SCUBE3: variants seen among roughly 807,000 people sequenced by gnomAD.
The protein encoded by SCUBE3 is signal peptide, CUB and EGF-like domain-containing protein 3.
SCUBE3 carries 33 observed loss-of-function variants against 116.8 expected under a neutral mutation model. The observed-to-expected ratio is 0.28, with a 90% CI of 0.21 to 0.38. The LOEUF (loss-of-function observed/expected upper bound fraction) is 0.38, where lower values mean the gene tolerates loss of function less well. Ranked by LOEUF, SCUBE3 falls within the 10% of genes least tolerant of loss-of-function variation. SCUBE3 has a pLI of 1.00. For missense variants in SCUBE3, 1,007 were observed against 1,324.8 expected (o/e 0.76, Z 3.72); for synonymous variants, 418 against 496.9 (o/e 0.84, Z 2.11).
chr6:35,244,944 C>A lies in SCUBE3; in HGVS notation c.2401+133C>A. 1 of 874,450 alleles carries A rather than the reference C, an allele frequency of 1.1e-6. No individual in the cohort carries two copies. The highest frequency in any genetic ancestry group is 1.8e-6 in the Non-Finnish European group (1 of 557,410). The allele number at this position is 874,450 out of a possible 1,614,324, so 54.2% of individuals were successfully genotyped here. On this transcript the variant is annotated intron_variant, in intron 18 of 21. Coordinates refer to ENST00000274938, the MANE Select transcript of SCUBE3 (RefSeq NM_152753.4). The surrounding 1 kb of genome is among the most constrained non-coding windows in gnomAD (Gnocchi z 4.3). Reference sequence around the variant, plus strand: ...AGCAGGAAAACTCCACCTTCCACCTCTCCCCAACTCACTCAATCTCAAGGC... The same window carrying A: ...AGCAGGAAAACTCCACCTTCCACCTATCCCCAACTCACTCAATCTCAAGGC...
intron 1 of SCUBE3, chr6:35,223,539 A>G (rs1268999447): frequency 6.6e-6 from 1 of 152,162 alleles, no homozygotes; most frequent in African/African-American, 2.4e-5. Context: ...CCACAGCCTC[A>G]CCCTGGAGAT....
chr6:35,243,233 T>G lies in SCUBE3; in HGVS notation c.1906T>G (p.Cys636Gly). 1.2e-6 allele frequency: 2 copies of G among 1,613,190 alleles called. No individual in the cohort carries two copies. Among genetic ancestry groups the G allele is most frequent in the Non-Finnish European group, 1.7e-6 (2 of 1,179,610 alleles). The change falls in exon 15 of 22, where the codon TGT becomes GGT. Residue 636 changes from cysteine (C) to glycine (G), a missense_variant. Cys to Gly is a radical substitution (Grantham distance 159). This residue lies in a region of SCUBE3 where 544 missense variants were observed against 638.9 expected (regional missense o/e 0.85). Transcript: ENST00000274938. The surrounding 1 kb of genome is among the most constrained non-coding windows in gnomAD (Gnocchi z 6.6). ...CGGGCAGCACCGTGCTGGGACCAAG[T>G]GTGGTAAGGGAGCTTACTGGGGAGC... is the stretch of plus-strand genomic sequence containing the variant. ...RPGQHRAGTK[C>G]VSCPQGTYYH... is the part of the protein sequence containing the mutation.
intron 6 of SCUBE3, among the ~76,000 whole-genome samples, chr6:35,234,997 C>G (rs1783703229): frequency 6.6e-6 from 1 of 152,196 alleles, no homozygotes; most frequent in Admixed American, 6.5e-5. Context: ...TGCCATATAT[C>G]TAATTTTTCT....
rs1244808114 is a variant in SCUBE3 at position 35,237,930 on chromosome 6, T to G, written c.741T>G (p.Cys247Trp). The change falls in exon 7 of 22, where the codon TGT (cysteine) becomes TGG (tryptophan). Residue 247 changes from cysteine (C) to tryptophan (W), a missense_variant. By Grantham distance (215) the Cys-to-Trp change is radical (BLOSUM62 -2). This residue lies in a region of SCUBE3 where 214 missense variants were observed against 316.7 expected (regional missense o/e 0.68). Transcript: ENST00000274938. ...CCTGTGCTGTCAACAACGGGGGCTGTGACAGTAAGTGCCATGATGCAGCGA... is the reference window on the plus strand; with the variant it reads ...CCTGTGCTGTCAACAACGGGGGCTGGGACAGTAAGTGCCATGATGCAGCGA... Reference protein sequence around the residue: ...IETCAVNNGGCDSKCHDAATG... With the variant: ...IETCAVNNGGWDSKCHDAATG... 1 of 1,612,672 alleles carries G rather than the reference T, an allele frequency of 6.2e-7. No individual in the cohort carries two copies. Among genetic ancestry groups the G allele is most frequent in the Admixed American group, 1.7e-5 (1 of 60,000 alleles).
chr6:35,214,599 G>T lies in SCUBE3; in HGVS notation c.85+96G>T, dbSNP rs547445334. 21 of 737,052 alleles carry T rather than the reference G, an allele frequency of 2.8e-5. No individual in the cohort carries two copies. The highest frequency in any genetic ancestry group is 1.6e-4 in the Admixed American group (4 of 24,364). 45.7% of individuals were successfully genotyped at this position (737,052 alleles called of 1,614,324 possible). On this transcript the variant is annotated intron_variant, in intron 1 of 21. Transcript: ENST00000274938. This position sits in a 1 kb window ranked among gnomAD's most constrained non-coding sequence, Gnocchi z 6.3. The stretch of plus-strand genomic sequence containing the variant: ...CGAGGGGCAGGGCAGGTGCTGGGGA[G>T]CGTGCTGCTGTCAGAACCCGGCTCT...
intron 1 of SCUBE3, among the ~76,000 whole-genome samples, chr6:35,217,478 C>T (rs1328629179): frequency 3.3e-5 from 5 of 150,902 alleles, no homozygotes; most frequent in Admixed American, 2.6e-4. Context: ...AACCCCATCC[C>T]TGGGACTGAG....
chr6:35,220,317 T>C (rs934747509), intron 1 of SCUBE3: 4 of 152,236 alleles, frequency 2.6e-5, no homozygotes, highest in Non-Finnish European at 5.9e-5. Flanking sequence ...GAGGACAGTT[T>C]GAAGACCACG....
chr6:35,231,957 A>C lies in SCUBE3; in HGVS notation c.469+98A>C. ...CCCTAAGTCTCACCCTCCATTCTCA[A>C]CTCAGCTAGCTCCTTCTTCTCTTGT... On this transcript the variant is annotated intron_variant, in intron 4 of 21. Coordinates refer to ENST00000274938, the MANE Select transcript of SCUBE3 (RefSeq NM_152753.4). The surrounding 1 kb of genome is among the most constrained non-coding windows in gnomAD (Gnocchi z 4.2). 9.8e-7 allele frequency: 1 copy of C among 1,020,942 alleles called. No individual in the cohort carries two copies. Among genetic ancestry groups the C allele is most frequent in the Non-Finnish European group, 1.4e-6 (1 of 697,538 alleles). The allele number at this position is 1,020,942 out of a possible 1,614,324, so 63.2% of individuals were successfully genotyped here. A position where few individuals can be genotyped will look rare whatever the true frequency, so the allele number is the denominator to read the frequency against.
At position 35,252,330 on chromosome 6, in the gene SCUBE3, G is replaced by C. The variant is rs1004033044; in HGVS notation, c.*3625G>C. The C allele has an allele frequency of 6.6e-6, 1 of 152,190 alleles. No homozygotes were observed. The highest frequency in any genetic ancestry group is 1.5e-5 in the Non-Finnish European group (1 of 68,054). 9.4% of individuals were successfully genotyped at this position (152,190 alleles called of 1,614,324 possible). The stretch of plus-strand genomic sequence containing the variant: ...CCCCAAGATTTGGTCAGTTTGAGGT[G>C]GTGGAGACTCAGATTTGTTGCTGAA... On this transcript the variant is annotated 3_prime_UTR_variant, in exon 22 of 22. Coordinates refer to ENST00000274938, the MANE Select transcript of SCUBE3 (RefSeq NM_152753.4).
In SCUBE3 at chr6:35,245,569, G is replaced by T; in HGVS notation, c.2599+144G>T. On this transcript the variant is annotated intron_variant, in intron 19 of 21. Transcript: ENST00000274938. This position sits in a 1 kb window ranked among gnomAD's most constrained non-coding sequence, Gnocchi z 4.2. The stretch of plus-strand genomic sequence containing the variant: ...TGAAATAGTGAGAGGCCTTTAGGAA[G>T]AGAGAAGCTAACAAAGGAAAACAGC... 1 of 686,206 alleles carries T rather than the reference G, an allele frequency of 1.5e-6. No individual in the cohort carries two copies. The highest frequency in any genetic ancestry group is 1.9e-5 in the South Asian group (1 of 53,630). 42.5% of individuals were successfully genotyped at this position (686,206 alleles called of 1,614,324 possible).
At chr6:35,218,623 T>G (rs1235415951) in intron 1 of SCUBE3, among the ~76,000 whole-genome samples, 1 of 152,180 alleles carries the variant, frequency 6.6e-6, no homozygotes, top group Non-Finnish European at 1.5e-5. Flanking sequence ...GGGGACAGCT[T>G]CTTCAGGCTC....
Position 35,249,517 on chromosome 6 carries a change from A to C in SCUBE3, c.*812A>C, listed in dbSNP as rs529322432. The stretch of plus-strand genomic sequence containing the variant: ...CAAAAAAAAGAAAACAGAAAGAAAA[A>C]ATGTATCATCTAAAGGACTAGACAC... On this transcript the variant is annotated 3_prime_UTR_variant, in exon 22 of 22. Coordinates refer to ENST00000274938, the MANE Select transcript of SCUBE3 (RefSeq NM_152753.4). 6.6e-6 allele frequency: 1 copy of C among 152,378 alleles called. No individual in the cohort carries two copies. The highest frequency in any genetic ancestry group is 1.5e-5 in the Non-Finnish European group (1 of 68,054). 9.4% of individuals were successfully genotyped at this position (152,378 alleles called of 1,614,324 possible). A position where few individuals can be genotyped will look rare whatever the true frequency, so the allele number is the denominator to read the frequency against.
chr6:35,227,589 A>T lies in SCUBE3; in HGVS notation c.95A>T (p.Glu32Val), dbSNP rs767439090. 6.8e-6 allele frequency: 11 copies of T among 1,614,002 alleles called. No individual in the cohort carries two copies. Among genetic ancestry groups the T allele is most frequent in the East Asian group, 2.2e-5 (1 of 44,900 alleles). ...CCTCTGCCCCTGCCAGATGTGGATG[A>T]GTGTGTGGAGGGGACTGACAACTGC... ...QYSKAAQDVD[E>V]CVEGTDNCHI... Residue 32 changes from glutamate (E) to valine (V), a missense_variant, in exon 2 of 22, where the codon GAG (glutamate) becomes GTG (valine). Coordinates refer to ENST00000274938, the MANE Select transcript of SCUBE3 (RefSeq NM_152753.4).
Position 35,244,499 on chromosome 6 carries a change from T to C in SCUBE3, c.2240-151T>C, listed in dbSNP as rs571254545. 2,046 of 726,130 alleles carry C rather than the reference T, an allele frequency of 2.8e-3. 15 individuals are homozygous for C. Among genetic ancestry groups the C allele is most frequent in the Middle Eastern group, 8.6e-3 (35 of 4,082 alleles). 45.0% of individuals were successfully genotyped at this position (726,130 alleles called of 1,614,324 possible). On this transcript the variant is annotated intron_variant, in intron 17 of 21. Coordinates refer to ENST00000274938, the MANE Select transcript of SCUBE3 (RefSeq NM_152753.4). The surrounding 1 kb of genome is among the most constrained non-coding windows in gnomAD (Gnocchi z 4.3). ...TCTGTTTTTCCGTGGGCTTAAATTC[T>C]GGCATGACTGGGAAAGATTGAGACC...
intron 6 of SCUBE3, among the ~76,000 whole-genome samples, chr6:35,236,629 T>C (rs778700491): frequency 2.0e-5 from 3 of 152,180 alleles, no homozygotes; most frequent in Admixed American, 6.5e-5. Flanking sequence ...CAGGGACCCA[T>C]AGAGTTAGGC....
chr6:35,214,152 G>T lies in SCUBE3; in HGVS notation c.-267G>T, dbSNP rs1346868939. On this transcript the variant is annotated 5_prime_UTR_variant, in exon 1 of 22. Coordinates refer to ENST00000274938, the MANE Select transcript of SCUBE3 (RefSeq NM_152753.4). The surrounding 1 kb of genome is among the most constrained non-coding windows in gnomAD (Gnocchi z 6.3). ...AGAGGCCGGCTTGGAGAGGGCGGGG[G>T]TTCCCCTCCGTCAGTCGCCCCTGGC... Among the ~76,000 whole-genome samples the T allele has an allele frequency of 6.6e-6, 1 of 152,176 alleles. No individual in the cohort carries two copies. Among genetic ancestry groups the T allele is most frequent in the Admixed American group, 6.5e-5 (1 of 15,284 alleles).
intron 1 of SCUBE3, chr6:35,223,575 T>A (rs1269382320): frequency 6.6e-6 from 1 of 152,196 alleles, no homozygotes; most frequent in East Asian, 1.9e-4. Flanking sequence ...CTAGGGGACA[T>A]CTGTACATTC....
In SCUBE3 at chr6:35,219,602, T is replaced by A. The variant is rs1264834755; in HGVS notation, c.85+5099T>A. 6.6e-6 allele frequency among the ~76,000 whole-genome samples: 1 copy of A among 151,876 alleles called. No homozygotes were observed. Among genetic ancestry groups the A allele is most frequent in the Non-Finnish European group, 1.5e-5 (1 of 67,972 alleles). ...GGTGGTAACAAGCTGAGGAAAGACCTGGGCAGGGGCTGCAGGGCTGGAGGG... is the reference window on the plus strand; with the variant it reads ...GGTGGTAACAAGCTGAGGAAAGACCAGGGCAGGGGCTGCAGGGCTGGAGGG... On this transcript the variant is annotated intron_variant, in intron 1 of 21. Coordinates refer to ENST00000274938, the MANE Select transcript of SCUBE3 (RefSeq NM_152753.4). The surrounding 1 kb of genome is among the most constrained non-coding windows in gnomAD (Gnocchi z 4.7).
chr6:35,230,794 G>A (rs1372000247), intron 3 of SCUBE3, among the ~76,000 whole-genome samples: 2 of 152,300 alleles, frequency 1.3e-5, no homozygotes, highest in East Asian at 1.9e-4. Flanking sequence ...GGAAGAGAGG[G>A]GCAGATGAAG....
Sources: gnomAD v4.1 joint callset for allele counts (sites outside exome capture counted in the v4.1 genomes callset) on GRCh38, gnomAD v4.1.1 for gene constraint, gnomAD v4.1.1 regional missense constraint, Gnocchi (gnomAD v3.1) non-coding constraint, MANE v1.5 for transcripts, NCBI Gene and HGNC (gene_info 2026-07-23, HGNC 2026-07-21) for gene names.